The following TTC34 variants were observed in gnomAD, a reference collection of about 807,000 sequenced individuals.
TTC34 encodes tetratricopeptide repeat domain 34.
A neutral mutation model predicts 40.7 loss-of-function variants in TTC34; 44 were observed. That is an observed-to-expected ratio of 1.08 (90% CI 0.85 to 1.39). TTC34 has a LOEUF of 1.39. Among genes scored for constraint, TTC34 ranks in the 40% most tolerant of loss-of-function variants. TTC34 has a pLI of 0.00. For synonymous variants in TTC34, 422 were observed against 398.6 expected, an observed-to-expected ratio of 1.06 and a Z score of -0.70; for missense variants, 884 against 838.0, an observed-to-expected ratio of 1.05 and a Z score of -0.68.
intron 6 of TTC34, among the ~76,000 whole-genome samples, chr1:2,653,800 G>T (rs1006659352): frequency 7.5e-5 from 11 of 146,166 alleles, no homozygotes; most frequent in African/African-American, 1.3e-4. Context: ...GCCTGGAGCA[G>T]TGCCCACACC....
intron 6 of TTC34, among the ~76,000 whole-genome samples, chr1:2,687,464 C>A (rs1293130718): frequency 3.9e-5 from 3 of 77,732 alleles, no homozygotes; most frequent in Admixed American, 1.3e-4. Flanking sequence ...GAGCATCCGA[C>A]AGCCTGGAAC....
At chr1:2,688,289 T>G (rs137976603) in intron 6 of TTC34, among the ~76,000 whole-genome samples, 1 of 32,446 alleles carries the variant, frequency 3.1e-5, no homozygotes, top group Non-Finnish European at 6.7e-5. Flanking sequence ...GCACCCACAC[T>G]CCCAGGCGAG....
intron 6 of TTC34, among the ~76,000 whole-genome samples, chr1:2,776,634 G>A (rs1178518508): frequency 4.1e-5 from 1 of 24,146 alleles, no homozygotes; most frequent in Non-Finnish European, 7.3e-5. Context: ...GCCCGGGAAA[G>A]TACCCTCCAT....
chr1:2,749,263 G>A (rs1232114307), intron 6 of TTC34, among the ~76,000 whole-genome samples: 1 of 88,508 alleles, frequency 1.1e-5, no homozygotes, highest in Non-Finnish European at 2.0e-5. Context: ...GCATCTGATG[G>A]TCTGGAGCAG....
At chr1:2,647,516 C>T (rs918709583) in intron 6 of TTC34, among the ~76,000 whole-genome samples, 1 of 152,156 alleles carries the variant, frequency 6.6e-6, no homozygotes, top group South Asian at 2.1e-4. Flanking sequence ...TGCCTGTAGT[C>T]CCAGCTACTC....
chr1:2,641,695 A>G, exon 9 of TTC34: 1 of 1,535,448 alleles, frequency 6.5e-7, no homozygotes, highest in Non-Finnish European at 8.7e-7. Context: ...TTGGGAGGTC[A>G]CCATCCCCCA....
At chr1:2,784,670 T>C (rs1425143909) in intron 5 of TTC34, among the ~76,000 whole-genome samples, 1 of 152,228 alleles carries the variant, frequency 6.6e-6, no homozygotes, top group East Asian at 1.9e-4. Context: ...CTTCAGCACC[T>C]GACCCTACAC....
intron 6 of TTC34, among the ~76,000 whole-genome samples, chr1:2,681,935 A>G (rs1305472788): frequency 8.7e-6 from 1 of 115,268 alleles, no homozygotes; most frequent in African/African-American, 3.4e-5. Context: ...AGCCTGGAAC[A>G]GCACCAACAC....
chr1:2,755,565 A>C (rs1434141443), intron 6 of TTC34, among the ~76,000 whole-genome samples: 33 of 19,784 alleles, frequency 1.7e-3, no homozygotes, highest in Middle Eastern at 0.038. Flanking sequence ...ATCTGAAACC[A>C]CGGAGCAGCA....
chr1:2,797,915 T>C (rs1005844726), intron 2 of TTC34, among the ~76,000 whole-genome samples: 2 of 152,048 alleles, frequency 1.3e-5, no homozygotes, highest in African/African-American at 4.8e-5. Flanking sequence ...TCGTCACTTC[T>C]AACTCTCAGA....
intron 6 of TTC34, among the ~76,000 whole-genome samples, chr1:2,779,970 C>T (rs553257288): frequency 6.6e-6 from 1 of 152,174 alleles, no homozygotes; most frequent in East Asian, 1.9e-4. Flanking sequence ...AAAAATTAGC[C>T]AGGCGTGGGG....
At chr1:2,752,653 C>G (rs1212091090) in intron 6 of TTC34, among the ~76,000 whole-genome samples, 1 of 138,844 alleles carries the variant, frequency 7.2e-6, no homozygotes, top group Admixed American at 7.3e-5. Flanking sequence ...GCACACACAC[C>G]CCCAGGCGAG....
chr1:2,683,448 C>G (rs1420666913), intron 6 of TTC34, among the ~76,000 whole-genome samples: 2 of 97,050 alleles, frequency 2.1e-5, no homozygotes, highest in African/African-American at 3.7e-5. Context: ...GGTGAGCATC[C>G]GACAGCCTGG....
intron 6 of TTC34, among the ~76,000 whole-genome samples, chr1:2,755,294 A>T (rs1641468124): frequency 2.0e-5 from 1 of 50,286 alleles, no homozygotes. Flanking sequence ...CTGGAACAGC[A>T]CCCACACTCC....
chr1:2,648,603 G>GACA (rs1557582029), intron 6 of TTC34, among the ~76,000 whole-genome samples: 3 of 150,766 alleles, frequency 2.0e-5, no homozygotes. Flanking sequence ...GTGAGCATCT[G>GACA]ACAGCCTGGA....
At chr1:2,752,451 C>A (rs1641354010) in intron 6 of TTC34, among the ~76,000 whole-genome samples, 1 of 136,608 alleles carries the variant, frequency 7.3e-6, no homozygotes, top group Non-Finnish European at 1.6e-5. Flanking sequence ...GCACCCTGCA[C>A]CCCCAGGTGC....
rs1641266539 is a variant in TTC34 at position 2,750,109 on chromosome 1, G to A, written c.2226+33500C>T. Among the ~76,000 whole-genome samples, 4 of 148,826 alleles carry A rather than the reference G, an allele frequency of 2.7e-5. 1 individual carries two copies. The highest frequency in any genetic ancestry group is 1.0e-4 in the African/African-American group (4 of 39,904). ...CCCCCAGTGAGCATCTGACAGCCTG[G>A]AACAGCACCCACACACCCAGGTGAG... On this transcript the variant is annotated intron_variant, in intron 6 of 8. Coordinates refer to ENST00000401095, the Ensembl canonical transcript of TTC34.
intron 8 of TTC34, among the ~76,000 whole-genome samples, chr1:2,643,547 G>T (rs1181528351): frequency 6.6e-6 from 1 of 152,040 alleles, no homozygotes; most frequent in African/African-American, 2.4e-5. Flanking sequence ...CCTCCTCCTG[G>T]CTTGGAAACG....
chr1:2,794,921 A>G (rs551434434), intron 2 of TTC34, among the ~76,000 whole-genome samples: 1 of 152,308 alleles, frequency 6.6e-6, no homozygotes, highest in African/African-American at 2.4e-5. Context: ...TTTAAGTTCT[A>G]TATTATAATA....
Sources: allele counts gnomAD v4.1 joint callset (sites outside exome capture counted in the v4.1 genomes callset), GRCh38; gene constraint gnomAD v4.1.1; transcripts MANE v1.5; gene names NCBI Gene and HGNC (gene_info 2026-07-23, HGNC 2026-07-21).